The following COLEC12 variants were observed in gnomAD, a reference collection of about 807,000 sequenced individuals.
COLEC12 encodes collectin-12.
Under a neutral mutation model 71.1 loss-of-function variants are expected in COLEC12, and 33 were observed. The observed-to-expected ratio is 0.46, with a 90% CI of 0.35 to 0.62. COLEC12 has a LOEUF of 0.62. COLEC12 is among the 20% of genes least tolerant of loss of function. The pLI, the probability that COLEC12 is intolerant of heterozygous loss-of-function variation, is 0.00. For synonymous variants in COLEC12, 350 were observed against 353.0 expected, an observed-to-expected ratio of 0.99 and a Z score of 0.10; for missense variants, 765 against 916.1, an observed-to-expected ratio of 0.84 and a Z score of 2.13.
At chr18:450,739 T>C in intron 2 of COLEC12, among the ~76,000 whole-genome samples, 1 of 151,886 alleles carries the variant, frequency 6.6e-6, no homozygotes, top group Non-Finnish European at 1.5e-5. Context: ...TGGGCAGAGG[T>C]TGGAGGAGTG....
At chr18:405,913 G>T (rs1321547252) in intron 2 of COLEC12, among the ~76,000 whole-genome samples, 1 of 152,028 alleles carries the variant, frequency 6.6e-6, no homozygotes, top group African/African-American at 2.4e-5. Context: ...GAGACCTACT[G>T]GGCTGCATTC....
rs1914655299 is a variant in COLEC12 at position 357,531 on chromosome 18, G to A, written c.59-9C>T. The A allele has an allele frequency of 6.6e-7, 1 of 1,518,126 alleles. No homozygotes were observed. Among genetic ancestry groups the A allele is most frequent in the Non-Finnish European group, 8.8e-7 (1 of 1,130,396 alleles). 94.0% of individuals were successfully genotyped at this position (1,518,126 alleles called of 1,614,324 possible). On this transcript the variant is annotated splice_polypyrimidine_tract_variant and intron_variant, in intron 2 of 9. Coordinates refer to ENST00000400256, the MANE Select transcript of COLEC12 (RefSeq NM_130386.3). ...TGTTCCTTCCTGAATACCTGTAAGA[G>A]AAGTCAAATTTTAATAACAGTAAGC...
chr18:340,074 CAAAAAA>C lies in COLEC12; in HGVS notation c.1328-4850_1328-4845del, dbSNP rs60991743. 1.3e-4 allele frequency among the ~76,000 whole-genome samples: 12 copies of C among 94,208 alleles called. No individual in the cohort carries two copies. In the Admixed American group the frequency reaches 1.5e-3, roughly 12 times the overall value. The allele number at this position is 94,208 out of a possible 152,430, so 61.8% of individuals were successfully genotyped here. Reference sequence around the variant, plus strand: ...AGAAGCTACCCTTAGTGCCTGAAAGCAAAAAAAAAAAAAAAAACAAAAAGAACAGAG... The same window carrying C: ...AGAAGCTACCCTTAGTGCCTGAAAGCAAAAAAAAAAACAAAAAGAACAGAG... On this transcript the variant is annotated intron_variant, in intron 5 of 9. Transcript: ENST00000400256.
chr18:333,144 C>A lies in COLEC12; in HGVS notation c.1817-1G>T. On this transcript the variant is annotated splice_acceptor_variant, in intron 6 of 9. Coordinates refer to ENST00000400256, the MANE Select transcript of COLEC12 (RefSeq NM_130386.3). LOFTEE classifies it high-confidence loss of function. Reference sequence around the variant, plus strand: ...AAGTTCTTCCAGTGAGGCGGGCAGCCTAGGAATGCAAAAGTGGAAAACATT... The same window carrying A: ...AAGTTCTTCCAGTGAGGCGGGCAGCATAGGAATGCAAAAGTGGAAAACATT... 6.3e-7 allele frequency: 1 copy of A among 1,591,564 alleles called. No individual in the cohort carries two copies. Among genetic ancestry groups the A allele is most frequent in the Non-Finnish European group, 8.5e-7 (1 of 1,173,148 alleles).
intron 1 of COLEC12, among the ~76,000 whole-genome samples, chr18:498,646 G>A: frequency 6.6e-6 from 1 of 152,096 alleles, no homozygotes; most frequent in East Asian, 1.9e-4. Flanking sequence ...ACAGGTGTGA[G>A]CCACCGCGCC....
At chr18:337,057 A>C (rs1914135519) in intron 5 of COLEC12, among the ~76,000 whole-genome samples, 3 of 150,744 alleles carry the variant, frequency 2.0e-5, no homozygotes, top group Non-Finnish European at 2.9e-5. Flanking sequence ...TTTTGTAGAG[A>C]TAGGGCTCTC....
In COLEC12 at chr18:500,472, C is replaced by G; in HGVS notation, c.7+36G>C. On this transcript the variant is annotated intron_variant, in intron 1 of 9. Coordinates refer to ENST00000400256, the MANE Select transcript of COLEC12 (RefSeq NM_130386.3). The surrounding 1 kb of genome is among the most constrained non-coding windows in gnomAD (Gnocchi z 5.3). ...CCCGCGCGCCCCGAAGCCCGTTCCC[C>G]CCGCCCAGAGCCCCGCGGAGCTGCC... is the stretch of plus-strand genomic sequence containing the variant. 2.4e-6 allele frequency: 3 copies of G among 1,226,444 alleles called. No individual in the cohort carries two copies. The highest frequency in any genetic ancestry group is 3.0e-6 in the Non-Finnish European group (3 of 983,864). The allele number at this position is 1,226,444 out of a possible 1,614,324, so 76.0% of individuals were successfully genotyped here. A position where few individuals can be genotyped will look rare whatever the true frequency, so the allele number is the denominator to read the frequency against.
At chr18:326,059 G>A (rs1302739906) in intron 8 of COLEC12, among the ~76,000 whole-genome samples, 4 of 152,146 alleles carry the variant, frequency 2.6e-5, no homozygotes, top group Admixed American at 2.6e-4. Context: ...TGGTAAAGTG[G>A]AAGCTTAGAT....
intron 2 of COLEC12, among the ~76,000 whole-genome samples, chr18:382,032 G>A (rs1406337811): frequency 1.3e-5 from 2 of 152,120 alleles, no homozygotes; most frequent in African/African-American, 4.8e-5. Context: ...AACCATGGGG[G>A]AGACAGAAGC....
chr18:423,563 A>G (rs138442664), intron 2 of COLEC12, among the ~76,000 whole-genome samples: 1 of 152,146 alleles, frequency 6.6e-6, no homozygotes, highest in Non-Finnish European at 1.5e-5. Context: ...GTATCAGTGA[A>G]TGCCTTCCTA....
intron 2 of COLEC12, among the ~76,000 whole-genome samples, chr18:398,094 A>G (rs1243809956): frequency 6.6e-6 from 1 of 152,192 alleles, no homozygotes. Flanking sequence ...AAAGCAGAAC[A>G]TGTCTTCATG....
At position 425,399 on chromosome 18, in the gene COLEC12, T is replaced by C. The variant is rs1305230454; in HGVS notation, c.58+55308A>G. Reference sequence around the variant, plus strand: ...TTTCCATGATTTCAGTGTCACATCCTAGACTCACTCCAAACCCTCCTATCC... The same window carrying C: ...TTTCCATGATTTCAGTGTCACATCCCAGACTCACTCCAAACCCTCCTATCC... On this transcript the variant is annotated intron_variant, in intron 2 of 9. Transcript: ENST00000400256. Among the ~76,000 whole-genome samples the C allele has an allele frequency of 2.6e-5, 4 of 152,254 alleles. No individual in the cohort carries two copies. In the East Asian group the frequency reaches 7.8e-4, roughly 30 times the overall value.
intron 2 of COLEC12, among the ~76,000 whole-genome samples, chr18:360,923 T>C (rs559832979): frequency 6.6e-6 from 1 of 152,294 alleles, no homozygotes; most frequent in South Asian, 2.1e-4. Flanking sequence ...CACCGTCTCT[T>C]ATGTCTAAAA....
At chr18:439,960 C>A (rs897403494) in intron 2 of COLEC12, among the ~76,000 whole-genome samples, 1 of 148,402 alleles carries the variant, frequency 6.7e-6, no homozygotes, top group Non-Finnish European at 1.5e-5. Context: ...TTGACACATT[C>A]GTGGGTAAAT....
At position 346,738 on chromosome 18, in the gene COLEC12, C is replaced by T. The variant is rs745875043; in HGVS notation, c.884G>A (p.Gly295Asp). ...GATAGTGGTGATGTTCTCCATCTGACCTGTGAATGAGTTGAGCTGGCTGTT... is the reference window on the plus strand; with the variant it reads ...GATAGTGGTGATGTTCTCCATCTGATCTGTGAATGAGTTGAGCTGGCTGTT... ...DMNSQLNSFT[G>D]QMENITTISQ... The change falls in exon 5 of 10, where the codon GGT becomes GAT. Residue 295 changes from glycine to aspartate, a missense_variant. By Grantham distance (94) the Gly-to-Asp change is moderately conservative. Coordinates refer to ENST00000400256, the MANE Select transcript of COLEC12 (RefSeq NM_130386.3). This position sits in a 1 kb window ranked among gnomAD's most constrained non-coding sequence, Gnocchi z 4.0. The T allele has an allele frequency of 5.6e-6, 9 of 1,614,218 alleles. No individual in the cohort carries two copies. In the East Asian group the frequency reaches 1.8e-4, roughly 32 times the overall value.
intron 1 of COLEC12, among the ~76,000 whole-genome samples, chr18:494,104 T>G (rs1375889878): frequency 2.6e-5 from 4 of 152,232 alleles, no homozygotes; most frequent in Non-Finnish European, 5.9e-5. Flanking sequence ...AAACTTCACT[T>G]TGGGAATTAT....
chr18:491,800 G>A (rs1917623930), intron 1 of COLEC12, among the ~76,000 whole-genome samples: 1 of 152,180 alleles, frequency 6.6e-6, no homozygotes, highest in Admixed American at 6.5e-5. Flanking sequence ...CGTATTTTGG[G>A]CTGTAAAAAC....
In COLEC12 at chr18:500,472, C is replaced by T. The variant is rs758230683; in HGVS notation, c.7+36G>A. On this transcript the variant is annotated intron_variant, in intron 1 of 9. Coordinates refer to ENST00000400256, the MANE Select transcript of COLEC12 (RefSeq NM_130386.3). This position sits in a 1 kb window ranked among gnomAD's most constrained non-coding sequence, Gnocchi z 5.3. The stretch of plus-strand genomic sequence containing the variant: ...CCCGCGCGCCCCGAAGCCCGTTCCC[C>T]CCGCCCAGAGCCCCGCGGAGCTGCC... 2.4e-6 allele frequency: 3 copies of T among 1,226,444 alleles called. No individual in the cohort carries two copies. The highest frequency in any genetic ancestry group is 3.8e-5 in the South Asian group (1 of 26,558). 76.0% of individuals were successfully genotyped at this position (1,226,444 alleles called of 1,614,324 possible).
intron 2 of COLEC12, among the ~76,000 whole-genome samples, chr18:389,205 A>G (rs1383420637): frequency 8.4e-6 from 1 of 119,436 alleles, no homozygotes; most frequent in Non-Finnish European, 2.0e-5. Flanking sequence ...ACACACACAC[A>G]CAGACACACA....
Sources: gnomAD v4.1 joint callset for allele counts (sites outside exome capture counted in the v4.1 genomes callset) on GRCh38, gnomAD v4.1.1 for gene constraint, Gnocchi (gnomAD v3.1) non-coding constraint, MANE v1.5 for transcripts, NCBI Gene and HGNC (gene_info 2026-07-23, HGNC 2026-07-21) for gene names.